Variants in TRAPPC9 observed in about 807,000 individuals in gnomAD.
The protein encoded by TRAPPC9 is IKK2 binding protein.
TRAPPC9 carries 83 observed loss-of-function variants against 124.0 expected under a neutral mutation model. That is an observed-to-expected ratio of 0.67 (90% CI 0.56 to 0.80). The LOEUF (loss-of-function observed/expected upper bound fraction) is 0.80, where lower values mean the gene tolerates loss of function less well. Among genes scored for constraint, TRAPPC9 ranks in the 30% least tolerant of loss-of-function variants. The pLI is 0.00. For missense variants in TRAPPC9, 1,302 were observed against 1,508.3 expected (o/e 0.86, Z 2.27); for synonymous variants, 638 against 617.5 (o/e 1.03, Z -0.49).
chr8:140,073,318 A>G (rs1184778154), intron 17 of TRAPPC9, among the ~76,000 whole-genome samples: 1 of 152,274 alleles, frequency 6.6e-6, no homozygotes, highest in African/African-American at 2.4e-5. Flanking sequence ...AATGTCTATC[A>G]ATAGGAGAAT....
At chr8:139,894,848 C>T (rs1037331703) in intron 20 of TRAPPC9, among the ~76,000 whole-genome samples, 3 of 152,160 alleles carry the variant, frequency 2.0e-5, no homozygotes, top group Non-Finnish European at 4.4e-5. Context: ...CCAATCCTCA[C>T]TGAAGAAAAC....
At chr8:139,862,054 T>C (rs899739772) in intron 21 of TRAPPC9, among the ~76,000 whole-genome samples, 8 of 152,262 alleles carry the variant, frequency 5.3e-5, no homozygotes, top group African/African-American at 1.7e-4. Context: ...GCAGATACAA[T>C]GTGTACATTA....
chr8:139,838,467 G>A (rs1432743407), intron 21 of TRAPPC9, among the ~76,000 whole-genome samples: 1 of 152,222 alleles, frequency 6.6e-6, no homozygotes, highest in Non-Finnish European at 1.5e-5. Flanking sequence ...GTGGCACCAG[G>A]ACTGAGCGGG....
chr8:140,254,303 T>C (rs1588020768), intron 15 of TRAPPC9, among the ~76,000 whole-genome samples: 1 of 152,282 alleles, frequency 6.6e-6, no homozygotes, highest in South Asian at 2.1e-4. Context: ...TGGAAGGGAC[T>C]GAAATAAGCC....
intron 19 of TRAPPC9, among the ~76,000 whole-genome samples, chr8:139,923,165 C>T (rs1255411477): frequency 6.6e-6 from 1 of 151,564 alleles, no homozygotes; most frequent in Non-Finnish European, 1.5e-5. Context: ...AGGTCATCAG[C>T]CTCCATGGAA....
At chr8:140,338,364 G>A (rs561490270) in intron 9 of TRAPPC9, among the ~76,000 whole-genome samples, 1 of 152,276 alleles carries the variant, frequency 6.6e-6, no homozygotes, top group East Asian at 1.9e-4. Context: ...AGCATATAAT[G>A]TACTGTCAGT....
intron 16 of TRAPPC9, among the ~76,000 whole-genome samples, chr8:140,239,334 C>A (rs560536824): frequency 3.5e-4 from 53 of 152,260 alleles, no homozygotes; most frequent in African/African-American, 1.3e-3. Flanking sequence ...AAGAGGGCCT[C>A]AGATGGGGCC....
chr8:140,227,468 T>C (rs1008739167), intron 16 of TRAPPC9, among the ~76,000 whole-genome samples: 2 of 152,198 alleles, frequency 1.3e-5, no homozygotes, highest in African/African-American at 4.8e-5. Flanking sequence ...GTCTGGTAGA[T>C]CATCATGAAT....
chr8:140,361,679 T>C (rs1333982503), intron 8 of TRAPPC9, among the ~76,000 whole-genome samples: 2 of 152,214 alleles, frequency 1.3e-5, no homozygotes, highest in African/African-American at 4.8e-5. Context: ...TCACTAAGAA[T>C]GAGTCCTCCA....
chr8:140,062,374 C>T (rs1842672255), intron 17 of TRAPPC9, among the ~76,000 whole-genome samples: 1 of 152,206 alleles, frequency 6.6e-6, no homozygotes, highest in African/African-American at 2.4e-5. Flanking sequence ...TTCGGTAGGA[C>T]GTGTGTAACC....
intron 17 of TRAPPC9, among the ~76,000 whole-genome samples, chr8:140,197,607 G>A (rs1295109424): frequency 1.3e-5 from 2 of 152,152 alleles, no homozygotes; most frequent in Non-Finnish European, 2.9e-5. Flanking sequence ...AGTGATGTGG[G>A]TTTTAATTTC....
chr8:140,398,022 T>A (rs992400449), intron 6 of TRAPPC9, among the ~76,000 whole-genome samples: 2 of 152,192 alleles, frequency 1.3e-5, no homozygotes, highest in East Asian at 3.9e-4. Flanking sequence ...AGTGAATAAG[T>A]CTCATAAGAT....
chr8:140,387,670 A>G (rs2068790853), intron 7 of TRAPPC9, among the ~76,000 whole-genome samples: 1 of 152,164 alleles, frequency 6.6e-6, no homozygotes, highest in Admixed American at 6.5e-5. Flanking sequence ...CAAAACCACA[A>G]TGAGATACCA....
chr8:140,155,146 A>G (rs2061606941), intron 17 of TRAPPC9, among the ~76,000 whole-genome samples: 1 of 152,186 alleles, frequency 6.6e-6, no homozygotes, highest in Non-Finnish European at 1.5e-5. Context: ...TAAAACGACA[A>G]AAGGTTTCAT....
chr8:140,220,613 A>G (rs940573369), intron 17 of TRAPPC9, among the ~76,000 whole-genome samples: 6 of 152,172 alleles, frequency 3.9e-5, no homozygotes, highest in African/African-American at 1.4e-4. Flanking sequence ...CCATGACCTC[A>G]TCAGATAGCA....
chr8:139,859,083 G>A (rs1208788731), intron 21 of TRAPPC9, among the ~76,000 whole-genome samples: 1 of 151,522 alleles, frequency 6.6e-6, no homozygotes, highest in Non-Finnish European at 1.5e-5. Context: ...TAGGAGTGGC[G>A]TGGAGGCCAA....
chr8:140,054,054 A>G (rs1163640268), intron 17 of TRAPPC9, among the ~76,000 whole-genome samples: 2 of 152,232 alleles, frequency 1.3e-5, no homozygotes, highest in Non-Finnish European at 2.9e-5. Flanking sequence ...CACTATGCTA[A>G]GTGAATTAAC....
chr8:140,085,307 T>TA (rs1322658133), intron 17 of TRAPPC9, among the ~76,000 whole-genome samples: 1 of 143,026 alleles, frequency 7.0e-6, no homozygotes, highest in East Asian at 2.0e-4. Context: ...TCCTGCTGCA[T>TA]AAGTATGTTT....
chr8:140,203,738 G>A (rs2062850029), intron 17 of TRAPPC9, among the ~76,000 whole-genome samples: 1 of 152,236 alleles, frequency 6.6e-6, no homozygotes, highest in African/African-American at 2.4e-5. Context: ...ACTCAGCCGA[G>A]GCAGTGGCTC....
Sources: gnomAD v4.1 joint callset for allele counts (sites outside exome capture counted in the v4.1 genomes callset) on GRCh38, gnomAD v4.1.1 for gene constraint, MANE v1.5 for transcripts, NCBI Gene and HGNC (gene_info 2026-07-23, HGNC 2026-07-21) for gene names.